Variants in USP54 observed in about 807,000 individuals in gnomAD.
The protein encoded by USP54 is ubiquitin specific peptidase 54, also known as ubiquitin carboxyl-terminal hydrolase 54.
A neutral mutation model predicts 170.5 loss-of-function variants in USP54; 87 were observed. That is an observed-to-expected ratio of 0.51 (90% CI 0.43 to 0.61). The LOEUF (loss-of-function observed/expected upper bound fraction) is 0.61. Ranked by LOEUF, USP54 falls within the 20% of genes least tolerant of loss-of-function variation. USP54 has a pLI of 0.00. For synonymous variants in USP54, 655 were observed against 742.8 expected (o/e 0.88, Z 1.92); for missense variants, 1,786 against 2,047.8 (o/e 0.87, Z 2.47).
chr10:73,596,965 T>C (rs564335968), intron 1 of USP54, among the ~76,000 whole-genome samples: 3 of 152,178 alleles, frequency 2.0e-5, no homozygotes, highest in African/African-American at 4.8e-5. Context: ...ATGCATGACA[T>C]TGTGAAGAAG....
chr10:73,566,749 AC>A (rs200182608), intron 4 of USP54, among the ~76,000 whole-genome samples: 108 of 150,798 alleles, frequency 7.2e-4, no homozygotes, highest in Non-Finnish European at 1.1e-3. Context: ...AAACAAAAAA[AC>A]AAAACAAAAA....
chr10:73,508,675 T>G (rs2059634066), intron 20 of USP54, among the ~76,000 whole-genome samples: 1 of 151,802 alleles, frequency 6.6e-6, no homozygotes, highest in South Asian at 2.1e-4. Flanking sequence ...AACATGTTTT[T>G]TTTTTTTTTT....
Position 73,541,521 on chromosome 10 carries a change from T to C in USP54, c.679A>G (p.Ser227Gly). The C allele has an allele frequency of 6.2e-7, 1 of 1,614,196 alleles. No individual in the cohort carries two copies. The highest frequency in any genetic ancestry group is 8.5e-7 in the Non-Finnish European group (1 of 1,180,044). The change falls in exon 9 of 24, where the codon AGC (serine) becomes GGC (glycine). Residue 227 changes from serine to glycine, a missense_variant and splice_region_variant. Coordinates refer to ENST00000687698, the MANE Select transcript of USP54 (RefSeq NM_001391956.1). Reference sequence around the variant, plus strand: ...ATCCTGATCCTCTCTCCACAGTTGCTCTGAAATACATATATAAGGCTAGTT... The same window carrying C: ...ATCCTGATCCTCTCTCCACAGTTGCCCTGAAATACATATATAAGGCTAGTT... ...STMGDLRNCP[S>G]NCGERIRIRR...
At chr10:73,610,347 C>T (rs1402781074) in intron 1 of USP54, among the ~76,000 whole-genome samples, 3 of 152,092 alleles carry the variant, frequency 2.0e-5, no homozygotes, top group African/African-American at 4.8e-5. Flanking sequence ...CCAGGCACAG[C>T]GGCTCACACC....
Position 73,516,413 on chromosome 10 carries a change from C to A in USP54, c.4013G>T (p.Gly1338Val), listed in dbSNP as rs1418943898. The change falls in exon 20 of 24, where the codon GGG becomes GTG. Residue 1338 changes from glycine (G) to valine (V), a missense_variant. By Grantham distance (109) the Gly-to-Val change is moderately radical. Coordinates refer to ENST00000687698, the MANE Select transcript of USP54 (RefSeq NM_001391956.1). ...QASQAGCSGWGQQDTAWHPLS... is the reference protein window; with the variant it reads ...QASQAGCSGWVQQDTAWHPLS... Reference sequence around the variant, plus strand: ...TGGGTGCCAGGCGGTATCCTGCTGCCCCCATCCAGAACAGCCAGCTTGAGA... The same window carrying A: ...TGGGTGCCAGGCGGTATCCTGCTGCACCCATCCAGAACAGCCAGCTTGAGA... 6.2e-7 allele frequency: 1 copy of A among 1,613,752 alleles called. No individual in the cohort carries two copies. Among genetic ancestry groups the A allele is most frequent in the Admixed American group, 1.7e-5 (1 of 59,978 alleles).
chr10:73,593,802 G>A (rs1276996534), upstream of USP54, among the ~76,000 whole-genome samples: 6 of 152,174 alleles, frequency 3.9e-5, no homozygotes, highest in Non-Finnish European at 5.9e-5. Context: ...GTCACATTCC[G>A]TAGCTTTTCA....
intron 1 of USP54, among the ~76,000 whole-genome samples, chr10:73,596,583 G>C (rs1446927762): frequency 6.6e-6 from 1 of 151,728 alleles, no homozygotes; most frequent in Non-Finnish European, 1.5e-5. Flanking sequence ...CCAGGCAGTA[G>C]TGGTACGCGC....
At chr10:73,525,434 G>C (rs1242447711) in intron 16 of USP54, among the ~76,000 whole-genome samples, 2 of 152,176 alleles carry the variant, frequency 1.3e-5, no homozygotes. Flanking sequence ...ATAACTCCTT[G>C]CTAATTATCT....
intron 4 of USP54, among the ~76,000 whole-genome samples, chr10:73,553,693 A>C (rs2070206564): frequency 6.6e-6 from 1 of 152,198 alleles, no homozygotes; most frequent in Admixed American, 6.5e-5. Context: ...AAACCCAAGA[A>C]TCACTTTTCC....
In USP54 at chr10:73,543,150, A is replaced by C; in HGVS notation, c.376-19T>G. On this transcript the variant is annotated intron_variant, in intron 5 of 23. Transcript: ENST00000687698. Reference sequence around the variant, plus strand: ...GGTTTTCCTGACAGGGAAAGAACAAAAGCAGTATACCAACAATATTTAATA... The same window carrying C: ...GGTTTTCCTGACAGGGAAAGAACAACAGCAGTATACCAACAATATTTAATA... 6.5e-7 allele frequency: 1 copy of C among 1,537,758 alleles called. No homozygotes were observed.
chr10:73,596,720 CAAA>C (rs36049099), intron 1 of USP54, among the ~76,000 whole-genome samples: 1 of 91,848 alleles, frequency 1.1e-5, no homozygotes, highest in African/African-American at 4.5e-5. Context: ...GATCCTGTCT[CAAA>C]AAAAAAAAAA....
chr10:73,557,588 C>T (rs1160175507), intron 4 of USP54, among the ~76,000 whole-genome samples: 2 of 150,518 alleles, frequency 1.3e-5, no homozygotes, highest in African/African-American at 4.9e-5. Flanking sequence ...CGGGTTCAAG[C>T]GATTCTCCTG....
At chr10:73,520,124 G>A (rs1372330430) in intron 18 of USP54, 132 bp from the exon 19 acceptor site, 4 of 1,307,798 alleles carry the variant, frequency 3.1e-6, no homozygotes, top group Middle Eastern at 2.7e-4. Flanking sequence ...GCAAGGCATG[G>A]ACCATGCATA....
intron 1 of USP54, among the ~76,000 whole-genome samples, chr10:73,590,174 C>G (rs1053770527): frequency 3.3e-5 from 5 of 152,156 alleles, no homozygotes; most frequent in South Asian, 2.1e-4. Flanking sequence ...CATGTTCTTT[C>G]TACCTATGTA....
At chr10:73,617,003 T>G (rs1165319051) in intron 1 of USP54, among the ~76,000 whole-genome samples, 1 of 149,810 alleles carries the variant, frequency 6.7e-6, no homozygotes, top group African/African-American at 2.5e-5. Context: ...AATAAAGAAA[T>G]AAAAAGATGT....
rs893634779 is a variant in USP54, at chr10:73,610,706, C to A, written c.-18+14861G>T. Among the ~76,000 whole-genome samples the A allele has an allele frequency of 2.0e-5, 3 of 151,826 alleles. No individual in the cohort carries two copies. In the East Asian group the frequency reaches 5.8e-4, roughly 29 times the overall value. The stretch of plus-strand genomic sequence containing the variant: ...TTTCAAACATCCTAGAAAAAATGAA[C>A]CTACACACAGGTCACAATAAAACAA... On this transcript the variant is annotated intron_variant, in intron 1 of 22. Coordinates refer to the USP54 transcript ENST00000339859.
In USP54 at chr10:73,516,358, C is replaced by T. The variant is rs375174919; in HGVS notation, c.4051+17G>A. The T allele has an allele frequency of 3.1e-6, 5 of 1,591,348 alleles. No individual in the cohort carries two copies. The highest frequency in any genetic ancestry group is 4.3e-6 in the Non-Finnish European group (5 of 1,169,948). Reference sequence around the variant, plus strand: ...ATGATCCTCCCCCCTCCCCCCAACCCCTGGTTGCATTCTTACCTGTTTGGC... The same window carrying T: ...ATGATCCTCCCCCCTCCCCCCAACCTCTGGTTGCATTCTTACCTGTTTGGC... On this transcript the variant is annotated intron_variant, in intron 20 of 23. Coordinates refer to ENST00000687698, the MANE Select transcript of USP54 (RefSeq NM_001391956.1).
chr10:73,560,260 C>T (rs1051329337), intron 4 of USP54, among the ~76,000 whole-genome samples: 1 of 152,066 alleles, frequency 6.6e-6, no homozygotes, highest in Non-Finnish European at 1.5e-5. Context: ...CCCAGGCCTG[C>T]TTTCTTCTTT....
At chr10:73,506,399 G>A (rs2059134732) in intron 20 of USP54, 1 of 152,098 alleles carries the variant, frequency 6.6e-6, no homozygotes, top group African/African-American at 2.4e-5. Flanking sequence ...CTCTAAACTG[G>A]ATTGGTGACT....
Sources: allele counts gnomAD v4.1 joint callset (sites outside exome capture counted in the v4.1 genomes callset), GRCh38; gene constraint gnomAD v4.1.1; transcripts MANE v1.5; gene names NCBI Gene and HGNC (gene_info 2026-07-23, HGNC 2026-07-21).